Variants in KCTD20 observed in about 807,000 individuals in gnomAD.
KCTD20 encodes potassium channel tetramerization domain containing 20.
In KCTD20, 30 loss-of-function variants were observed where a neutral mutation model predicts 39.6. The observed-to-expected ratio is 0.76, with a 90% CI of 0.57 to 1.03. KCTD20 has a LOEUF of 1.03. Among genes scored for constraint, KCTD20 ranks in the 50% least tolerant of loss-of-function variants. The pLI is 0.00. For missense variants in KCTD20, 422 were observed against 522.0 expected (o/e 0.81, Z 1.87); for synonymous variants, 162 against 180.6 (o/e 0.90, Z 0.83).
chr6:36,479,379 C>T (rs1011954047), intron 4 of KCTD20, among the ~76,000 whole-genome samples, 156 bp downstream of exon 4: 5 of 151,994 alleles, frequency 3.3e-5, no homozygotes, highest in Admixed American at 3.3e-4. Context: ...CTTTTAAGTC[C>T]TTGCTTGTTT....
chr6:36,444,356 C>T (rs1212309902), intron 1 of KCTD20, among the ~76,000 whole-genome samples: 1 of 152,202 alleles, frequency 6.6e-6, no homozygotes, highest in East Asian at 1.9e-4. Flanking sequence ...CCTGACTCTC[C>T]AGAAGCCAAT....
At chr6:36,475,154 G>T in intron 3 of KCTD20, 92 bp downstream of exon 3, 1 of 1,396,498 alleles carries the variant, frequency 7.2e-7, no homozygotes, top group Non-Finnish European at 9.8e-7. Flanking sequence ...ACAGTAAAAA[G>T]TATTGTATAG....
chr6:36,456,577 G>C (rs1185308304), intron 1 of KCTD20, among the ~76,000 whole-genome samples: 2 of 129,768 alleles, frequency 1.5e-5, no homozygotes, highest in African/African-American at 6.0e-5. Flanking sequence ...CCACGCCCAG[G>C]CTTTTTTTTT....
At chr6:36,477,976 T>C (rs1360622888) in intron 3 of KCTD20, among the ~76,000 whole-genome samples, 3 of 150,660 alleles carry the variant, frequency 2.0e-5, no homozygotes, top group African/African-American at 7.3e-5. Flanking sequence ...GCGCCTGTAG[T>C]CCCAACTGCT....
chr6:36,465,151 C>T (rs1438269587), intron 1 of KCTD20, among the ~76,000 whole-genome samples: 1 of 151,988 alleles, frequency 6.6e-6, no homozygotes, highest in Non-Finnish European at 1.5e-5. Flanking sequence ...CAAAAATTAG[C>T]CGGGCGTGAT....
rs575038336 is a variant in KCTD20 at position 36,479,868 on chromosome 6, C to T, written c.658+157C>T. Among the ~76,000 whole-genome samples, 9 of 145,864 alleles carry T rather than the reference C, an allele frequency of 6.2e-5. No homozygotes were observed. The South Asian group carries it at 1.7e-3, about 28-fold the overall frequency. ...GTGCAGTGGCACGATCTCGGCTTAC[C>T]GCAACCTCCGCCTCCTGGGTTCAAG... On this transcript the variant is annotated intron_variant, in intron 5 of 7. Coordinates refer to ENST00000373731, the MANE Select transcript of KCTD20 (RefSeq NM_173562.5).
chr6:36,488,776 A>G lies in KCTD20; in HGVS notation c.*1601A>G, dbSNP rs1211503755. The G allele has an allele frequency of 1.3e-5, 2 of 152,550 alleles. No individual in the cohort carries two copies. Among genetic ancestry groups the G allele is most frequent in the Non-Finnish European group, 2.9e-5 (2 of 68,026 alleles). 9.4% of individuals were successfully genotyped at this position (152,550 alleles called of 1,614,324 possible). Reference sequence around the variant, plus strand: ...CCTAGTCATAATCATCCAAAGATAAAAGCCAGGTAGATGTTGAAAGCTCTT... The same window carrying G: ...CCTAGTCATAATCATCCAAAGATAAGAGCCAGGTAGATGTTGAAAGCTCTT... On this transcript the variant is annotated 3_prime_UTR_variant, in exon 8 of 8. Transcript: ENST00000373731.
At chr6:36,462,301 T>G (rs1775623632) in intron 1 of KCTD20, among the ~76,000 whole-genome samples, 1 of 152,206 alleles carries the variant, frequency 6.6e-6, no homozygotes, top group South Asian at 2.1e-4. Flanking sequence ...CAGATTTGTC[T>G]TTCTCATTTC....
chr6:36,457,337 G>T (rs189464976), intron 1 of KCTD20, among the ~76,000 whole-genome samples: 15 of 152,316 alleles, frequency 9.8e-5, no homozygotes, highest in Admixed American at 3.9e-4. Flanking sequence ...GTGGATTTTA[G>T]AATTGGAATG....
In KCTD20 at chr6:36,479,671, C is replaced by T. The variant is rs780620019; in HGVS notation, c.618C>T (p.Cys206=). ...TTAGAGATACTTGTGATTATCTCTG[C>T]ATTAATTTTGACTTCAACACTATCC... ...PDLRDTCDYL[C]INFDFNTIRC... is the part of the protein sequence containing the mutation. The change falls in exon 5 of 8, where the codon TGC becomes TGT. Residue 206 remains cysteine, a synonymous_variant. Coordinates refer to ENST00000373731, the MANE Select transcript of KCTD20 (RefSeq NM_173562.5). 14 of 1,608,276 alleles carry T rather than the reference C, an allele frequency of 8.7e-6. No individual in the cohort carries two copies. The highest frequency in any genetic ancestry group is 1.1e-5 in the Non-Finnish European group (13 of 1,177,286).
At position 36,451,955 on chromosome 6, in the gene KCTD20, T is replaced by C. The variant is rs527677463; in HGVS notation, c.-47+8844T>C. 3.3e-5 allele frequency among the ~76,000 whole-genome samples: 5 copies of C among 152,196 alleles called. No homozygotes were observed. In the South Asian group the frequency reaches 6.2e-4, roughly 19 times the overall value. ...CCTCCTGAGTAGCTGGAATTACAGG[T>C]ACACACCACCATGCCCAGCTAATTT... On this transcript the variant is annotated intron_variant, in intron 1 of 7. Coordinates refer to ENST00000373731, the MANE Select transcript of KCTD20 (RefSeq NM_173562.5).
In KCTD20 at chr6:36,470,040, C is replaced by G; in HGVS notation, c.-46-12C>G. 1 of 1,438,978 alleles carries G rather than the reference C, an allele frequency of 6.9e-7. No individual in the cohort carries two copies. The highest frequency in any genetic ancestry group is 9.4e-7 in the Non-Finnish European group (1 of 1,068,952). 89.1% of individuals were successfully genotyped at this position (1,438,978 alleles called of 1,614,324 possible). ...TTGTGAGTTCTAAATCATGCATATT[C>G]CTGTGTTCCAGGATTTCTCTCTGAT... On this transcript the variant is annotated splice_polypyrimidine_tract_variant and intron_variant, in intron 1 of 7. Transcript: ENST00000373731.
intron 1 of KCTD20, among the ~76,000 whole-genome samples, chr6:36,467,597 G>A (rs1012777486): frequency 3.8e-4 from 57 of 151,470 alleles, no homozygotes; most frequent in Admixed American, 2.8e-3. Context: ...CAGCCTCCCA[G>A]AGTGCTGGGA....
intron 1 of KCTD20, among the ~76,000 whole-genome samples, chr6:36,453,876 G>A (rs898626319): frequency 2.0e-5 from 3 of 152,082 alleles, no homozygotes; most frequent in East Asian, 1.9e-4. Flanking sequence ...TAACAAGTTC[G>A]CATATGTTGT....
intron 1 of KCTD20, chr6:36,465,607 G>A (rs940628401): frequency 6.6e-6 from 1 of 151,862 alleles, no homozygotes; most frequent in Non-Finnish European, 1.5e-5. Flanking sequence ...TTAGGTGCAA[G>A]GAATATGTAG....
chr6:36,461,469 A>G (rs1775597249), intron 1 of KCTD20, among the ~76,000 whole-genome samples: 1 of 152,144 alleles, frequency 6.6e-6, no homozygotes, highest in Non-Finnish European at 1.5e-5. Context: ...AAGAGTTTTT[A>G]TTATATGGTT....
chr6:36,481,440 T>G, intron 5 of KCTD20, 122 bp from the exon 6 acceptor site: 1 of 729,840 alleles, frequency 1.4e-6, no homozygotes, highest in South Asian at 1.6e-5. Context: ...TCTCTTTGCC[T>G]TTAAATGTGC....
chr6:36,489,462 G>A lies in KCTD20; in HGVS notation c.*2287G>A, dbSNP rs1434559095. 3.3e-5 allele frequency: 5 copies of A among 152,148 alleles called. No individual in the cohort carries two copies. The highest frequency in any genetic ancestry group is 7.2e-5 in the African/African-American group (3 of 41,420). 9.4% of individuals were successfully genotyped at this position (152,148 alleles called of 1,614,324 possible). On this transcript the variant is annotated 3_prime_UTR_variant, in exon 8 of 8. Coordinates refer to ENST00000373731, the MANE Select transcript of KCTD20 (RefSeq NM_173562.5). ...GAAATCTGTGACGGTAGGCTTTCTA[G>A]TGTCACGAGGTGGTGGTGACTGAAG...
At chr6:36,455,862 CCTTA>C (rs757604973) in intron 1 of KCTD20, among the ~76,000 whole-genome samples, 30 of 152,128 alleles carry the variant, frequency 2.0e-4, no homozygotes, top group African/African-American at 6.8e-4. Context: ...GGATAATCTT[CCTTA>C]CTTAAAGTAA....
Sources: gnomAD v4.1 joint callset for allele counts (sites outside exome capture counted in the v4.1 genomes callset) on GRCh38, gnomAD v4.1.1 for gene constraint, MANE v1.5 for transcripts, NCBI Gene and HGNC (gene_info 2026-07-23, HGNC 2026-07-21) for gene names.